The following FOXP1 variants were observed in gnomAD, a reference collection of about 807,000 sequenced individuals.
FOXP1 encodes forkhead box P1.
In FOXP1, 15 loss-of-function variants were observed where a neutral mutation model predicts 98.2. The ratio of observed to expected loss-of-function variants is 0.15; its 90% CI spans 0.10 to 0.24. The LOEUF (loss-of-function observed/expected upper bound fraction) is 0.24. Ranked by LOEUF, FOXP1 falls within the 10% of genes least tolerant of loss-of-function variation. FOXP1 has a pLI of 1.00. For synonymous variants in FOXP1, 371 were observed against 314.5 expected (o/e 1.18, Z -1.90); for missense variants, 633 against 848.5 (o/e 0.75, Z 3.15).
intron 5 of FOXP1, among the ~76,000 whole-genome samples, chr3:71,231,432 T>C (rs2066277575): frequency 6.6e-6 from 1 of 151,968 alleles, no homozygotes; most frequent in Non-Finnish European, 1.5e-5. Context: ...TATAGCTACC[T>C]TATAGGAAAA....
chr3:71,460,730 C>T (rs1461760497), intron 3 of FOXP1, among the ~76,000 whole-genome samples: 1 of 152,154 alleles, frequency 6.6e-6, no homozygotes, highest in African/African-American at 2.4e-5. Flanking sequence ...TGAGCTACCG[C>T]GCCTGGCCTA....
chr3:71,431,621 C>G (rs1047145420), intron 3 of FOXP1, among the ~76,000 whole-genome samples: 1 of 152,174 alleles, frequency 6.6e-6, no homozygotes, highest in Non-Finnish European at 1.5e-5. Flanking sequence ...AGCCCCATTG[C>G]CTGGTTTGAA....
intron 7 of FOXP1, among the ~76,000 whole-genome samples, chr3:71,099,544 CA>C (rs1371927990): frequency 2.6e-5 from 4 of 151,966 alleles, no homozygotes; most frequent in East Asian, 1.9e-4. Context: ...CAAAACAAAA[CA>C]AAAAAACCCC....
intron 2 of FOXP1, among the ~76,000 whole-genome samples, chr3:71,512,451 C>G (rs2042266246): frequency 6.6e-6 from 1 of 152,178 alleles, no homozygotes; most frequent in South Asian, 2.1e-4. Context: ...CTTCCTCCAC[C>G]TATTACCTTA....
At chr3:71,062,009 T>C (rs1559846476) in intron 7 of FOXP1, among the ~76,000 whole-genome samples, 1 of 152,266 alleles carries the variant, frequency 6.6e-6, no homozygotes, top group East Asian at 1.9e-4. Flanking sequence ...CTTCCAATTG[T>C]GTGGAGGTTG....
chr3:71,538,500 C>CT (rs2044491996), intron 2 of FOXP1, among the ~76,000 whole-genome samples: 1 of 152,206 alleles, frequency 6.6e-6, no homozygotes, highest in Non-Finnish European at 1.5e-5. Flanking sequence ...TACTTCATTC[C>CT]TTTTTGTGGC....
intron 11 of FOXP1, among the ~76,000 whole-genome samples, chr3:71,017,989 G>T (rs756501994): frequency 6.6e-6 from 1 of 152,122 alleles, no homozygotes; most frequent in Non-Finnish European, 1.5e-5. Context: ...AACTAGTTAG[G>T]ATGAAAAATT....
intron 2 of FOXP1, among the ~76,000 whole-genome samples, chr3:71,512,251 T>C (rs2042253368): frequency 6.6e-6 from 1 of 152,072 alleles, no homozygotes; most frequent in South Asian, 2.1e-4. Context: ...TGGCGAAGGG[T>C]AGGGTAATAT....
intron 5 of FOXP1, among the ~76,000 whole-genome samples, chr3:71,244,561 T>C (rs957657807): frequency 6.7e-6 from 1 of 150,068 alleles, no homozygotes; most frequent in African/African-American, 2.5e-5. Context: ...TAGAGAAGAA[T>C]TGGAAGAAAC....
At chr3:71,472,587 G>A (rs1197289940) in intron 3 of FOXP1, among the ~76,000 whole-genome samples, 2 of 152,048 alleles carry the variant, frequency 1.3e-5, no homozygotes, top group African/African-American at 4.8e-5. Context: ...ATTCTGCCCA[G>A]CATCTGGGAC....
chr3:71,084,542 T>C (rs1430484467), intron 7 of FOXP1, among the ~76,000 whole-genome samples: 1 of 152,236 alleles, frequency 6.6e-6, no homozygotes, highest in African/African-American at 2.4e-5. Flanking sequence ...GCAACTATTT[T>C]ATTGTAATAC....
chr3:71,279,485 T>C (rs1347647753), intron 5 of FOXP1, among the ~76,000 whole-genome samples: 2 of 152,102 alleles, frequency 1.3e-5, no homozygotes, highest in Non-Finnish European at 2.9e-5. Context: ...CCAGGGACGC[T>C]GCAAAATATC....
At chr3:70,971,065 C>T in intron 18 of FOXP1, 1 of 454,896 alleles carries the variant, frequency 2.2e-6, no homozygotes, top group Non-Finnish European at 4.1e-6. Context: ...GGTCCTCCCT[C>T]CAGAGACCTC....
intron 19 of FOXP1, among the ~76,000 whole-genome samples, chr3:70,967,645 G>GTT (rs905310255): frequency 0.023 from 1,334 of 57,538 alleles, 29 homozygotes; most frequent in African/African-American, 0.06. Flanking sequence ...CTTTCTTTTT[G>GTT]TTTTTTTTTT....
intron 6 of FOXP1, among the ~76,000 whole-genome samples, chr3:71,137,050 G>A (rs2059851998): frequency 6.6e-6 from 1 of 152,142 alleles, no homozygotes; most frequent in Non-Finnish European, 1.5e-5. Flanking sequence ...CAGGATGAGG[G>A]CAATTTATCC....
intron 2 of FOXP1, among the ~76,000 whole-genome samples, chr3:71,564,680 T>C (rs2046780465): frequency 6.6e-6 from 1 of 152,234 alleles, no homozygotes; most frequent in South Asian, 2.1e-4. Context: ...TCTTTATCCC[T>C]GGAGTTAAAT....
At chr3:71,208,335 C>T (rs1420163858) in intron 5 of FOXP1, among the ~76,000 whole-genome samples, 1 of 152,118 alleles carries the variant, frequency 6.6e-6, no homozygotes, top group Non-Finnish European at 1.5e-5. Flanking sequence ...CAGGAGAGCT[C>T]TCTCCCTTCA....
chr3:71,362,080 C>A (rs927868024), intron 3 of FOXP1, among the ~76,000 whole-genome samples: 3 of 152,188 alleles, frequency 2.0e-5, no homozygotes, highest in African/African-American at 7.2e-5. Flanking sequence ...TTGACTAAGG[C>A]CCCTGGATCA....
rs1384671412 is a variant in FOXP1 at position 70,958,300 on chromosome 3, A to G, written c.*947T>C. 1 of 534,260 alleles carries G rather than the reference A, an allele frequency of 1.9e-6. No homozygotes were observed. 33.1% of individuals were successfully genotyped at this position (534,260 alleles called of 1,614,324 possible). On this transcript the variant is annotated 3_prime_UTR_variant, in exon 21 of 21. Coordinates refer to ENST00000649528, the MANE Select transcript of FOXP1 (RefSeq NM_001349338.3). ...TGGAATGAATCGGCATTGTTCCTAG[A>G]GTTTGTCTCTCTTTTTTTTTTCTGT...
Sources: gnomAD v4.1 joint callset for allele counts (sites outside exome capture counted in the v4.1 genomes callset) on GRCh38, gnomAD v4.1.1 for gene constraint, MANE v1.5 for transcripts, NCBI Gene and HGNC (gene_info 2026-07-23, HGNC 2026-07-21) for gene names.